ANTXR1: variants seen among roughly 807,000 people sequenced by gnomAD.
The protein encoded by ANTXR1 is ANTXR cell adhesion molecule 1, also known as anthrax toxin receptor 1.
Under a neutral mutation model 78.1 loss-of-function variants are expected in ANTXR1, and 19 were observed. The ratio of observed to expected loss-of-function variants is 0.24; its 90% CI spans 0.17 to 0.36. ANTXR1 has a LOEUF of 0.36. Ranked by LOEUF, ANTXR1 falls within the 10% of genes least tolerant of loss-of-function variation. The probability of loss-of-function intolerance (pLI) is 1.00; values close to 1 mark genes in which losing one functional copy is unlikely to be tolerated. For missense variants in ANTXR1, 518 were observed against 718.6 expected (o/e 0.72, Z 3.19); for synonymous variants, 273 against 260.5 (o/e 1.05, Z -0.46).
intron 1 of ANTXR1, among the ~76,000 whole-genome samples, chr2:69,022,531 G>A (rs866912724): frequency 2.0e-5 from 3 of 152,346 alleles, no homozygotes; most frequent in Middle Eastern, 3.4e-3. Context: ...TTGTCTGAAG[G>A]AAGAAATTGG....
intron 12 of ANTXR1, among the ~76,000 whole-genome samples, chr2:69,130,921 T>C (rs993748048): frequency 6.6e-5 from 10 of 152,214 alleles, no homozygotes; most frequent in African/African-American, 2.4e-4. Context: ...GATGTGGTGA[T>C]AAGTCAAACA....
At chr2:69,107,009 A>G (rs2104332541) in intron 10 of ANTXR1, among the ~76,000 whole-genome samples, 1 of 152,332 alleles carries the variant, frequency 6.6e-6, no homozygotes, top group East Asian at 1.9e-4. Flanking sequence ...TAGATTTGAA[A>G]AAGTTTATTC....
intron 17 of ANTXR1, among the ~76,000 whole-genome samples, chr2:69,229,734 GTT>G (rs562601103): frequency 3.1e-3 from 431 of 139,226 alleles, no homozygotes; most frequent in African/African-American, 0.01. Context: ...TGCCATGGTG[GTT>G]TTTTTTTTTT....
chr2:69,139,237 G>A (rs1270162033), intron 12 of ANTXR1, among the ~76,000 whole-genome samples: 2 of 152,158 alleles, frequency 1.3e-5, no homozygotes, highest in Non-Finnish European at 2.9e-5. Context: ...TGGCCTTAAG[G>A]CCTAGCCCAG....
chr2:69,023,569 G>C (rs1671261039), intron 1 of ANTXR1, among the ~76,000 whole-genome samples: 1 of 152,036 alleles, frequency 6.6e-6, no homozygotes, highest in African/African-American at 2.4e-5. Context: ...GGTGGTGTTA[G>C]TGCAGAAACA....
At chr2:69,023,655 G>A (rs72895415) in intron 1 of ANTXR1, among the ~76,000 whole-genome samples, 39,531 of 152,098 alleles carry the variant, frequency 0.26, 9,898 homozygotes, top group African/African-American at 0.64. Context: ...GAATATATCA[G>A]TTCAATATTT....
intron 10 of ANTXR1, among the ~76,000 whole-genome samples, chr2:69,114,942 T>C (rs554445373): frequency 6.6e-6 from 1 of 152,362 alleles, no homozygotes; most frequent in Non-Finnish European, 1.5e-5. Flanking sequence ...TACAGAGTTA[T>C]ATCTGTAGGC....
chr2:69,092,499 G>T (rs1671272296), intron 9 of ANTXR1, among the ~76,000 whole-genome samples: 1 of 152,146 alleles, frequency 6.6e-6, no homozygotes, highest in African/African-American at 2.4e-5. Flanking sequence ...ACATAAAGTT[G>T]TTAGCAAAAT....
chr2:69,199,709 A>T (rs975186102), intron 17 of ANTXR1, among the ~76,000 whole-genome samples: 1 of 152,090 alleles, frequency 6.6e-6, no homozygotes, highest in Non-Finnish European at 1.5e-5. Context: ...GGGCACTTAT[A>T]GGATCACCTG....
intron 17 of ANTXR1, among the ~76,000 whole-genome samples, chr2:69,195,767 G>A (rs1674654803): frequency 1.3e-5 from 2 of 151,868 alleles, no homozygotes; most frequent in Non-Finnish European, 2.9e-5. Context: ...GACAGATTGA[G>A]AAAAAAATAA....
Position 69,248,531 on chromosome 2 carries a change from G to C in ANTXR1, c.*3046G>C, listed in dbSNP as rs1676068868. 6.6e-6 allele frequency: 1 copy of C among 152,580 alleles called. No individual in the cohort carries two copies. Among genetic ancestry groups the C allele is most frequent in the African/African-American group, 2.4e-5 (1 of 41,426 alleles). The allele number at this position is 152,580 out of a possible 1,614,324, so 9.5% of individuals were successfully genotyped here. ...TGCCTGAAGCTTGGTGCACCCTCCA[G>C]TGAGACACAAGATCTCTCTTTTACC... On this transcript the variant is annotated 3_prime_UTR_variant, in exon 18 of 18. Transcript: ENST00000303714.
intron 1 of ANTXR1, among the ~76,000 whole-genome samples, chr2:69,034,586 T>C (rs1671621892): frequency 1.3e-5 from 2 of 152,178 alleles, no homozygotes; most frequent in Admixed American, 1.3e-4. Context: ...AGGGACCTTT[T>C]ACATCCACTG....
At chr2:69,047,370 G>A (rs902023085) in intron 3 of ANTXR1, among the ~76,000 whole-genome samples, 2 of 99,132 alleles carry the variant, frequency 2.0e-5, no homozygotes, top group Admixed American at 1.9e-4. Context: ...TTATCTGCAA[G>A]CACTTTATCC....
intron 4 of ANTXR1, 22 bp from the exon 5 acceptor site, chr2:69,071,732 G>T (rs759794670): frequency 6.2e-7 from 1 of 1,613,602 alleles, no homozygotes; most frequent in East Asian, 2.2e-5. Flanking sequence ...TAAGTCTAAG[G>T]GCTCTTTCAT....
intron 12 of ANTXR1, among the ~76,000 whole-genome samples, chr2:69,146,984 T>A (rs1457632317): frequency 1.3e-5 from 2 of 152,212 alleles, no homozygotes; most frequent in Non-Finnish European, 2.9e-5. Context: ...AAGGAGATCT[T>A]GGAAGCAGGT....
chr2:69,129,850 G>T (rs1274795412), intron 12 of ANTXR1, among the ~76,000 whole-genome samples: 2 of 152,258 alleles, frequency 1.3e-5, no homozygotes, highest in African/African-American at 2.4e-5. Context: ...ATAAGTGAAG[G>T]CAAGAAGAGT....
intron 9 of ANTXR1, among the ~76,000 whole-genome samples, chr2:69,094,378 G>C (rs962670242): frequency 3.3e-5 from 5 of 152,166 alleles, no homozygotes; most frequent in African/African-American, 1.2e-4. Context: ...TTGGGGAAGA[G>C]TATCTGCAAA....
chr2:69,152,451 T>G (rs982387935), intron 13 of ANTXR1, among the ~76,000 whole-genome samples, 187 bp downstream of exon 13: 2 of 152,180 alleles, frequency 1.3e-5, no homozygotes, highest in African/African-American at 2.4e-5. Context: ...CAGCAGTCAG[T>G]ATGAGTTAGG....
At chr2:69,138,937 T>C (rs1672994190) in intron 12 of ANTXR1, among the ~76,000 whole-genome samples, 1 of 152,184 alleles carries the variant, frequency 6.6e-6, no homozygotes, top group Admixed American at 6.5e-5. Flanking sequence ...TCTATAAAGC[T>C]CAAGATTCTT....
Sources: allele counts gnomAD v4.1 joint callset (sites outside exome capture counted in the v4.1 genomes callset), GRCh38; gene constraint gnomAD v4.1.1; transcripts MANE v1.5; gene names NCBI Gene and HGNC (gene_info 2026-07-23, HGNC 2026-07-21).